Variants in SULT1E1 observed in about 807,000 individuals in gnomAD.
SULT1E1 encodes sulfotransferase 1E1.
SULT1E1 carries 36 observed loss-of-function variants against 33.6 expected under a neutral mutation model. The ratio of observed to expected loss-of-function variants is 1.07; its 90% CI spans 0.82 to 1.41. The LOEUF is 1.41. Ranked by LOEUF, SULT1E1 falls within the 40% of genes most tolerant of loss-of-function variation. SULT1E1 has a pLI of 0.00. For missense variants in SULT1E1, 371 were observed against 345.7 expected (o/e 1.07, Z -0.58); for synonymous variants, 121 against 111.7 (o/e 1.08, Z -0.53).
At position 69,849,484 on chromosome 4, in the gene SULT1E1, T is replaced by C. The variant is rs980448935; in HGVS notation, c.449A>G (p.Asn150Ser). The C allele has an allele frequency of 1.9e-6, 3 of 1,611,662 alleles. No homozygotes were observed. Among genetic ancestry groups the C allele is most frequent in the African/African-American group, 1.3e-5 (1 of 74,818 alleles). Residue 150 changes from asparagine to serine, a missense_variant, in exon 5 of 8, where the codon AAT becomes AGT. Transcript: ENST00000226444. The part of the protein sequence containing the change: ...YFFLMVAGHP[N>S]PGSFPEFVEK... ...CACAAACTCTGGAAAGGATCCAGGATTTGGATGACCAGCCACCATTAGAAA... is the reference window on the plus strand; with the variant it reads ...CACAAACTCTGGAAAGGATCCAGGACTTGGATGACCAGCCACCATTAGAAA...
intron 6 of SULT1E1, among the ~76,000 whole-genome samples, chr4:69,845,126 T>C (rs1226350033): frequency 1.3e-5 from 2 of 152,070 alleles, no homozygotes; most frequent in Non-Finnish European, 2.9e-5. Context: ...ATGTGTATTT[T>C]TGTAATGTTT....
chr4:69,856,203 A>G (rs781378944), intron 2 of SULT1E1, among the ~76,000 whole-genome samples: 19 of 152,194 alleles, frequency 1.2e-4, no homozygotes, highest in Non-Finnish European at 2.4e-4. Context: ...GAAATAGACT[A>G]TAAGACGTAA....
chr4:69,823,253 G>A, the SULT1E1 span, among the ~76,000 whole-genome samples: 1 of 152,240 alleles, frequency 6.6e-6, no homozygotes, highest in East Asian at 1.9e-4. Flanking sequence ...GATAACTCAG[G>A]TTTAGTATAG....
In SULT1E1 at chr4:69,844,146, C is replaced by T. The variant is rs1272371085; in HGVS notation, c.772+15G>A. Reference sequence around the variant, plus strand: ...TGACTTCCTCTAGTATCGAGGCAAACCACATTTTTCTCACCCTTTCTCATG... The same window carrying T: ...TGACTTCCTCTAGTATCGAGGCAAATCACATTTTTCTCACCCTTTCTCATG... On this transcript the variant is annotated intron_variant, in intron 7 of 7. Coordinates refer to ENST00000226444, the MANE Select transcript of SULT1E1 (RefSeq NM_005420.3). The T allele has an allele frequency of 1.2e-6, 2 of 1,613,646 alleles. No homozygotes were observed. The highest frequency in any genetic ancestry group is 2.7e-5 in the African/African-American group (2 of 75,010).
At chr4:69,854,446 T>A in intron 3 of SULT1E1, 132 bp from the exon 4 acceptor site, 1 of 587,942 alleles carries the variant, frequency 1.7e-6, no homozygotes, top group Non-Finnish European at 2.8e-6. Context: ...TAACACAAAG[T>A]ATAAATTCTT....
the SULT1E1 span, among the ~76,000 whole-genome samples, chr4:69,827,174 T>G: frequency 6.6e-6 from 1 of 152,192 alleles, no homozygotes; most frequent in Non-Finnish European, 1.5e-5. Flanking sequence ...AGGGCAAACC[T>G]TCTATCTCAC....
chr4:69,844,454 A>T, intron 6 of SULT1E1, 113 bp from the exon 7 acceptor site: 1 of 785,782 alleles, frequency 1.3e-6, no homozygotes, highest in South Asian at 2.4e-5. Flanking sequence ...TTAGAATTAG[A>T]TTTCTAATGA....
chr4:69,824,111 T>A, the SULT1E1 span, among the ~76,000 whole-genome samples: 1 of 152,188 alleles, frequency 6.6e-6, no homozygotes, highest in African/African-American at 2.4e-5. Flanking sequence ...TCGGATTTGA[T>A]AACCAATGGT....
Position 69,849,505 on chromosome 4 carries a change from A to G in SULT1E1, c.428T>C (p.Leu143Pro). ...DVAVSFYYFFLMVAGHPNPGS... is the reference protein window; with the variant it reads ...DVAVSFYYFFPMVAGHPNPGS... ...AGGATTTGGATGACCAGCCACCATT[A>G]GAAAGAAATAATAAAAGGAAACAGC... The change falls in exon 5 of 8, where the codon CTA (leucine) becomes CCA (proline). Residue 143 changes from leucine to proline, a missense_variant. Physicochemically the swap from Leu to Pro is moderately conservative, Grantham distance 98. Coordinates refer to ENST00000226444, the MANE Select transcript of SULT1E1 (RefSeq NM_005420.3). The G allele has an allele frequency of 6.2e-7, 1 of 1,611,564 alleles. No homozygotes were observed. The highest frequency in any genetic ancestry group is 8.5e-7 in the Non-Finnish European group (1 of 1,178,236).
At chr4:69,852,723 A>C (rs539618793) in intron 4 of SULT1E1, among the ~76,000 whole-genome samples, 1 of 152,262 alleles carries the variant, frequency 6.6e-6, no homozygotes, top group African/African-American at 2.4e-5. Flanking sequence ...CTCTGTAAAT[A>C]ACCCTGGAAA....
At chr4:69,857,321 C>T (rs192819525) in intron 2 of SULT1E1, among the ~76,000 whole-genome samples, 179 bp downstream of exon 2, 139 of 152,256 alleles carry the variant, frequency 9.1e-4, no homozygotes, top group Non-Finnish European at 1.7e-3. Flanking sequence ...ATGTACTATT[C>T]AAGTTACAGG....
intron 6 of SULT1E1, among the ~76,000 whole-genome samples, chr4:69,847,482 A>T (rs1721003192): frequency 6.6e-6 from 1 of 151,578 alleles, no homozygotes; most frequent in African/African-American, 2.4e-5. Context: ...GAAATTTTTG[A>T]GACTTGTGGT....
chr4:69,857,391 T>A, intron 2 of SULT1E1, 109 bp downstream of exon 2: 1 of 1,355,162 alleles, frequency 7.4e-7, no homozygotes, highest in Non-Finnish European at 9.9e-7. Context: ...AACTACCGCA[T>A]CTGTTCTTAA....
chr4:69,823,214 A>G, the SULT1E1 span, among the ~76,000 whole-genome samples: 1 of 152,180 alleles, frequency 6.6e-6, no homozygotes, highest in Admixed American at 6.5e-5. Context: ...GAAGCAAGAC[A>G]AAGGCACTTA....
At chr4:69,822,711 A>G in the SULT1E1 span, among the ~76,000 whole-genome samples, 9 of 152,222 alleles carry the variant, frequency 5.9e-5, no homozygotes, top group South Asian at 1.7e-3. Context: ...ATCTTGTTTT[A>G]TGGTCACTTA....
At chr4:69,838,979 A>G (rs1720838018), downstream of SULT1E1, among the ~76,000 whole-genome samples, 1 of 152,204 alleles carries the variant, frequency 6.6e-6, no homozygotes, top group South Asian at 2.1e-4. Flanking sequence ...TCATTTATTT[A>G]TATCAACACG....
chr4:69,859,050 T>C (rs1424465727), intron 1 of SULT1E1, among the ~76,000 whole-genome samples: 3 of 152,172 alleles, frequency 2.0e-5, no homozygotes, highest in Admixed American at 2.0e-4. Context: ...TTGTCTCATA[T>C]TACAATGTAT....
downstream of SULT1E1, among the ~76,000 whole-genome samples, chr4:69,839,639 T>A (rs931452868): frequency 1.3e-5 from 2 of 152,162 alleles, no homozygotes; most frequent in Non-Finnish European, 2.9e-5. Flanking sequence ...GGTAAAAAAA[T>A]TCTGTAGCTT....
chr4:69,856,649 G>C (rs992708731), intron 2 of SULT1E1, among the ~76,000 whole-genome samples: 1 of 152,050 alleles, frequency 6.6e-6, no homozygotes, highest in Non-Finnish European at 1.5e-5. Flanking sequence ...AGATAACTAA[G>C]GGCGGCCGGG....
Sources: gnomAD v4.1 joint callset for allele counts (sites outside exome capture counted in the v4.1 genomes callset) on GRCh38, gnomAD v4.1.1 for gene constraint, MANE v1.5 for transcripts, NCBI Gene and HGNC (gene_info 2026-07-23, HGNC 2026-07-21) for gene names.